FYB1: variants seen among roughly 807,000 people sequenced by gnomAD.
FYB1 encodes FYN binding protein 1, also known as FYN-binding protein 1.
A neutral mutation model predicts 94.1 loss-of-function variants in FYB1; 41 were observed. The observed-to-expected ratio is 0.44, with a 90% CI of 0.34 to 0.57. FYB1 has a LOEUF of 0.57. FYB1 is among the 20% of genes least tolerant of loss of function. The pLI, the probability that FYB1 is intolerant of heterozygous loss-of-function variation, is 0.02. For missense variants in FYB1, 1,050 were observed against 976.8 expected, an observed-to-expected ratio of 1.07 and a Z score of -1.00; for synonymous variants, 367 against 353.2, an observed-to-expected ratio of 1.04 and a Z score of -0.44.
upstream of FYB1, chr5:39,219,587 G>T (rs1750136914): frequency 2.3e-5 from 23 of 985,412 alleles, no homozygotes; most frequent in Non-Finnish European, 2.7e-5. Flanking sequence ...GCCTGGCAGG[G>T]TTTTGTCCCG....
In FYB1 at chr5:39,112,912, A is replaced by C. The variant is rs140109039; in HGVS notation, c.2402-2523T>G. 3.7e-4 allele frequency among the ~76,000 whole-genome samples: 56 copies of C among 152,236 alleles called. 1 individual carries two copies. Among genetic ancestry groups the C allele is most frequent in the Admixed American group, 1.8e-3 (28 of 15,262 alleles). ...ACATCAATAATTGGGACTATTATTT[A>C]AGAAAAATGTATTAGGGAGATGGAG... On this transcript the variant is annotated intron_variant, in intron 16 of 18. Transcript: ENST00000512982.
At chr5:39,212,447 A>G (rs1017368245) in intron 1 of FYB1, among the ~76,000 whole-genome samples, 1 of 152,234 alleles carries the variant, frequency 6.6e-6, no homozygotes, top group African/African-American at 2.4e-5. Context: ...AGAAATAGAT[A>G]ATATTTTGAA....
intron 1 of FYB1, among the ~76,000 whole-genome samples, chr5:39,247,443 C>A (rs1304019782): frequency 6.6e-6 from 1 of 152,028 alleles, no homozygotes; most frequent in East Asian, 1.9e-4. Context: ...CATTTACCTT[C>A]AGCTCTTATT....
intron 1 of FYB1, among the ~76,000 whole-genome samples, chr5:39,230,436 G>A (rs908209121): frequency 3.3e-5 from 5 of 152,198 alleles, no homozygotes; most frequent in Non-Finnish European, 5.9e-5. Context: ...ACACCTCAGA[G>A]GCTCATTGCA....
At chr5:39,195,060 C>A (rs1455752607) in intron 2 of FYB1, among the ~76,000 whole-genome samples, 1 of 152,126 alleles carries the variant, frequency 6.6e-6, no homozygotes, top group Non-Finnish European at 1.5e-5. Flanking sequence ...ACTCCAAATT[C>A]CAGTCTGTGT....
chr5:39,116,009 C>A (rs1464486737), intron 16 of FYB1, among the ~76,000 whole-genome samples: 1 of 152,208 alleles, frequency 6.6e-6, no homozygotes, highest in Non-Finnish European at 1.5e-5. Flanking sequence ...CAGGAATAGA[C>A]TTCAGCTCCT....
At chr5:39,199,231 C>T (rs1431002834) in intron 2 of FYB1, among the ~76,000 whole-genome samples, 4 of 151,874 alleles carry the variant, frequency 2.6e-5, no homozygotes, top group African/African-American at 4.8e-5. Flanking sequence ...CTTTATATTG[C>T]TTATCCAGTT....
intron 11 of FYB1, 113 bp downstream of exon 11, chr5:39,127,628 G>C: frequency 8.8e-7 from 1 of 1,139,768 alleles, no homozygotes; most frequent in Non-Finnish European, 1.2e-6. Flanking sequence ...AAATCATTTG[G>C]GGTAATGTGA....
chr5:39,115,629 G>A (rs947451746), intron 16 of FYB1, among the ~76,000 whole-genome samples: 3 of 152,120 alleles, frequency 2.0e-5, no homozygotes, highest in Admixed American at 6.6e-5. Flanking sequence ...AATCATCTAG[G>A]AGAGGGAGGG....
chr5:39,172,776 A>G (rs1275316383), intron 2 of FYB1, among the ~76,000 whole-genome samples: 1 of 152,330 alleles, frequency 6.6e-6, no homozygotes, highest in African/African-American at 2.4e-5. Flanking sequence ...AAAGGACATG[A>G]CTTCATTCTT....
intron 1 of FYB1, among the ~76,000 whole-genome samples, 195 bp downstream of exon 1, chr5:39,219,248 A>T (rs768009212): frequency 2.0e-4 from 31 of 152,122 alleles, no homozygotes; most frequent in Non-Finnish European, 4.0e-4. Context: ...TCTGCTTATC[A>T]TCCTTTTGGC....
At chr5:39,117,745 C>T (rs1420070766) in intron 16 of FYB1, among the ~76,000 whole-genome samples, 1 of 152,100 alleles carries the variant, frequency 6.6e-6, no homozygotes, top group African/African-American at 2.4e-5. Context: ...TGCAGATTGA[C>T]CAAGCTGATA....
chr5:39,134,153 A>G (rs1741446981), intron 9 of FYB1, 55 bp downstream of exon 9: 1 of 1,396,124 alleles, frequency 7.2e-7, no homozygotes, highest in Non-Finnish European at 9.8e-7. Flanking sequence ...TTAATATACA[A>G]AATTTCTGAC....
chr5:39,168,395 A>T (rs1744933806), intron 2 of FYB1, among the ~76,000 whole-genome samples: 1 of 152,210 alleles, frequency 6.6e-6, no homozygotes, highest in South Asian at 2.1e-4. Flanking sequence ...CAATTAATGA[A>T]AAAGTTATTC....
At chr5:39,126,523 T>A (rs1740683608) in intron 11 of FYB1, among the ~76,000 whole-genome samples, 1 of 151,272 alleles carries the variant, frequency 6.6e-6, no homozygotes, top group South Asian at 2.1e-4. Context: ...TAGCAAAACC[T>A]CATCTCTACT....
intron 2 of FYB1, among the ~76,000 whole-genome samples, chr5:39,176,188 T>C (rs939801765): frequency 1.6e-5 from 2 of 126,852 alleles, no homozygotes; most frequent in African/African-American, 5.8e-5. Context: ...TCTCACTCTG[T>C]CGCCCAGACT....
In FYB1 at chr5:39,126,117, T is replaced by C. The variant is rs1311970563; in HGVS notation, c.1926A>G (p.Gln642=). The change falls in exon 12 of 19, where the codon CAA becomes CAG. Residue 642 remains glutamine (Q), a synonymous_variant. Transcript: ENST00000512982. ...DADDGSTLQV[Q]EKSNTWSWGI... is the part of the protein sequence containing the mutation. ...CCCAGGACCACGTATTACTCTTCTC[T>C]TGAACCTGTAGTGTGGAGCTTTGGA... 2.5e-6 allele frequency: 4 copies of C among 1,613,492 alleles called. No homozygotes were observed. In the South Asian group the frequency reaches 3.3e-5, roughly 13 times the overall value.
intron 1 of FYB1, among the ~76,000 whole-genome samples, chr5:39,253,958 G>A (rs1178581209): frequency 6.6e-6 from 1 of 152,126 alleles, no homozygotes; most frequent in Non-Finnish European, 1.5e-5. Context: ...CTGTTCCTGT[G>A]TTAATTTGCT....
intron 1 of FYB1, among the ~76,000 whole-genome samples, chr5:39,267,584 G>C (rs2111729688): frequency 1.3e-5 from 2 of 152,256 alleles, no homozygotes; most frequent in Middle Eastern, 6.8e-3. Flanking sequence ...ATGGCTTTCT[G>C]CCACTTGTTG....
Sources: allele counts gnomAD v4.1 joint callset (sites outside exome capture counted in the v4.1 genomes callset), GRCh38; gene constraint gnomAD v4.1.1; transcripts MANE v1.5; gene names NCBI Gene and HGNC (gene_info 2026-07-23, HGNC 2026-07-21).